Variants in GRIP1 observed in about 807,000 individuals in gnomAD.
GRIP1 encodes the protein glutamate receptor-interacting protein 1.
A neutral mutation model predicts 129.9 loss-of-function variants in GRIP1; 45 were observed. The ratio of observed to expected loss-of-function variants is 0.35; its 90% confidence interval spans 0.27 to 0.44. GRIP1 has a LOEUF of 0.44. GRIP1 is among the 20% of genes least tolerant of loss of function. The pLI, the probability that GRIP1 is intolerant of heterozygous loss-of-function variation, is 1.00. For synonymous variants in GRIP1, 530 were observed against 520.8 expected, an observed-to-expected ratio of 1.02 and a Z score of -0.24; for missense variants, 1,196 against 1,396.8, an observed-to-expected ratio of 0.86 and a Z score of 2.29.
chr12:66,406,807 G>A (rs995506914), intron 15 of GRIP1, among the ~76,000 whole-genome samples: 2 of 152,138 alleles, frequency 1.3e-5, no homozygotes. Flanking sequence ...GATACTAGGA[G>A]AGCATTAAGA....
intron 5 of GRIP1, among the ~76,000 whole-genome samples, chr12:66,528,847 A>G (rs1388874967): frequency 1.3e-5 from 2 of 152,150 alleles, no homozygotes; most frequent in African/African-American, 4.8e-5. Context: ...AGAAGAGAAG[A>G]TTTTTCTAAC....
At chr12:66,957,123 T>G (rs1185644583) in intron 1 of GRIP1, among the ~76,000 whole-genome samples, 2 of 152,084 alleles carry the variant, frequency 1.3e-5, no homozygotes, top group African/African-American at 2.4e-5. Context: ...GTAATTAAAT[T>G]AAAATACGGT....
intron 1 of GRIP1, among the ~76,000 whole-genome samples, chr12:66,768,734 T>C (rs2136708437): frequency 6.6e-6 from 1 of 152,348 alleles, no homozygotes; most frequent in African/African-American, 2.4e-5. Context: ...GGTGATATTT[T>C]ATTAGTGGTG....
intron 16 of GRIP1, among the ~76,000 whole-genome samples, chr12:66,404,385 G>A (rs2057114552): frequency 6.6e-6 from 1 of 152,152 alleles, no homozygotes; most frequent in Non-Finnish European, 1.5e-5. Flanking sequence ...TGGTTGCAAT[G>A]AAATTATATA....
chr12:67,054,046 A>G (rs1592521465), intron 1 of GRIP1, among the ~76,000 whole-genome samples: 1 of 152,264 alleles, frequency 6.6e-6, no homozygotes, highest in Non-Finnish European at 1.5e-5. Flanking sequence ...GCAGGAGAGG[A>G]GGTAAAGTTT....
At chr12:66,920,618 C>A (rs1222028025) in intron 1 of GRIP1, among the ~76,000 whole-genome samples, 1 of 152,178 alleles carries the variant, frequency 6.6e-6, no homozygotes, top group Non-Finnish European at 1.5e-5. Context: ...AACCTCTTCC[C>A]CACCAGGTCA....
intron 1 of GRIP1, among the ~76,000 whole-genome samples, chr12:66,773,051 T>C (rs1230286336): frequency 6.6e-6 from 1 of 152,198 alleles, no homozygotes; most frequent in African/African-American, 2.4e-5. Context: ...GGAAGAATTC[T>C]GCAATTCTTC....
chr12:66,383,851 C>T (rs192227382), intron 19 of GRIP1, among the ~76,000 whole-genome samples: 203 of 152,258 alleles, frequency 1.3e-3, no homozygotes, highest in African/African-American at 4.6e-3. Context: ...GTGAAATGTT[C>T]TGGTCAATGA....
Position 66,392,460 on chromosome 12 carries a change from T to C in GRIP1, c.2312A>G (p.His771Arg), listed in dbSNP as rs747772513. ...CTCCACATCCCCCAGGTCACTCAAA[T>C]GGCTAGAAATAGGGAACTTCTTGGG... The part of the protein sequence containing the change: ...SSPKKFPISS[H>R]LSDLGDVEED... Residue 771 changes from histidine (H) to arginine (R), a missense_variant, in exon 19 of 25, where the codon CAT becomes CGT. Coordinates refer to ENST00000359742, the MANE Select transcript of GRIP1 (RefSeq NM_001366722.1). 1 of 1,614,142 alleles carries C rather than the reference T, an allele frequency of 6.2e-7. No homozygotes were observed. The highest frequency in any genetic ancestry group is 8.5e-7 in the Non-Finnish European group (1 of 1,180,006).
At chr12:66,858,673 G>A (rs1042355534) in intron 1 of GRIP1, among the ~76,000 whole-genome samples, 4 of 151,816 alleles carry the variant, frequency 2.6e-5, no homozygotes, top group Non-Finnish European at 4.4e-5. Context: ...GGCTTCTTTC[G>A]GAGTTGCTAT....
At chr12:66,702,378 T>G (rs1196978875) in intron 1 of GRIP1, among the ~76,000 whole-genome samples, 2 of 152,176 alleles carry the variant, frequency 1.3e-5, no homozygotes, top group Non-Finnish European at 2.9e-5. Context: ...TCTCTTATGC[T>G]AAATTCTCTG....
chr12:66,981,909 C>A (rs1445916321), intron 1 of GRIP1, among the ~76,000 whole-genome samples: 1 of 152,128 alleles, frequency 6.6e-6, no homozygotes, highest in African/African-American at 2.4e-5. Flanking sequence ...TCTACACTCT[C>A]AATTTTAGAA....
At chr12:66,739,285 T>A (rs1013922062) in intron 1 of GRIP1, among the ~76,000 whole-genome samples, 1 of 152,120 alleles carries the variant, frequency 6.6e-6, no homozygotes, top group Non-Finnish European at 1.5e-5. Flanking sequence ...TTTATCTCAA[T>A]TTTACAGAAG....
At chr12:66,388,347 A>G (rs1450523300) in intron 19 of GRIP1, among the ~76,000 whole-genome samples, 1 of 152,202 alleles carries the variant, frequency 6.6e-6, no homozygotes, top group African/African-American at 2.4e-5. Flanking sequence ...AATGATCAAA[A>G]TGACCTCAAA....
intron 1 of GRIP1, among the ~76,000 whole-genome samples, chr12:66,883,082 T>C (rs17103027): frequency 0.03 from 4,508 of 152,208 alleles, 127 homozygotes; most frequent in African/African-American, 0.071. Flanking sequence ...TGTTCATTTC[T>C]ATTCTCTCCA....
intron 7 of GRIP1, among the ~76,000 whole-genome samples, chr12:66,475,441 A>G (rs943939456): frequency 1.3e-5 from 2 of 152,176 alleles, no homozygotes; most frequent in African/African-American, 4.8e-5. Context: ...GTTAACAAGG[A>G]TATCCAGGAA....
intron 7 of GRIP1, among the ~76,000 whole-genome samples, chr12:66,490,491 A>G (rs2060076118): frequency 6.6e-6 from 1 of 152,218 alleles, no homozygotes; most frequent in South Asian, 2.1e-4. Context: ...AGATGGGTTA[A>G]AGACTTAAAT....
At chr12:66,969,519 C>T (rs1329037870) in intron 1 of GRIP1, among the ~76,000 whole-genome samples, 1 of 152,136 alleles carries the variant, frequency 6.6e-6, no homozygotes, top group Non-Finnish European at 1.5e-5. Context: ...CCCAATCCTC[C>T]CACCTTAGCC....
chr12:66,349,011 A>T lies in GRIP1; in HGVS notation c.*8T>A, dbSNP rs1430549459. On this transcript the variant is annotated 3_prime_UTR_variant, in exon 25 of 25. Transcript: ENST00000359742. ...ATTGTCTTTTGTCCTGCTTTATAAAAAGCGTTGCTATAATGTATTAGTGGG... is the reference window on the plus strand; with the variant it reads ...ATTGTCTTTTGTCCTGCTTTATAAATAGCGTTGCTATAATGTATTAGTGGG... 1.0e-5 allele frequency: 16 copies of T among 1,573,892 alleles called. No individual in the cohort carries two copies. Among genetic ancestry groups the T allele is most frequent in the Non-Finnish European group, 1.4e-5 (16 of 1,143,252 alleles).
Sources: gnomAD v4.1 joint callset for allele counts (sites outside exome capture counted in the v4.1 genomes callset) on GRCh38, gnomAD v4.1.1 for gene constraint, MANE v1.5 for transcripts, NCBI Gene and HGNC (gene_info 2026-07-23, HGNC 2026-07-21) for gene names.